SNW1: variants seen among roughly 807,000 people sequenced by gnomAD.
SNW1 encodes SNW domain-containing protein 1.
SNW1 carries 9 observed loss-of-function variants against 75.6 expected under a neutral mutation model. The observed-to-expected ratio is 0.12, with a 90% confidence interval of 0.07 to 0.21. The LOEUF (loss-of-function observed/expected upper bound fraction) is 0.21, where lower values mean the gene tolerates loss of function less well. SNW1 is among the 10% of genes least tolerant of loss of function. SNW1 has a pLI of 1.00. For missense variants in SNW1, 409 were observed against 670.9 expected, an observed-to-expected ratio of 0.61 and a Z score of 4.31; for synonymous variants, 200 against 219.1, an observed-to-expected ratio of 0.91 and a Z score of 0.77.
intron 12 of SNW1, 99 bp downstream of exon 12, chr14:77,720,612 G>C: frequency 1.2e-6 from 1 of 846,460 alleles, no homozygotes; most frequent in Non-Finnish European, 2.1e-6. Flanking sequence ...TTGTCATCAT[G>C]CTGGCATTTA....
At chr14:77,750,902 G>A (rs1286874060) in intron 3 of SNW1, among the ~76,000 whole-genome samples, 1 of 152,054 alleles carries the variant, frequency 6.6e-6, no homozygotes, top group African/African-American at 2.4e-5. Flanking sequence ...GTACATGTAA[G>A]TACTCTAAGT....
chr14:77,717,935 C>T lies in SNW1; in HGVS notation c.*153G>A. 1.5e-6 allele frequency: 1 copy of T among 668,736 alleles called. No individual in the cohort carries two copies. Among genetic ancestry groups the T allele is most frequent in the Non-Finnish European group, 2.5e-6 (1 of 404,284 alleles). 41.4% of individuals were successfully genotyped at this position (668,736 alleles called of 1,614,324 possible). On this transcript the variant is annotated 3_prime_UTR_variant, in exon 14 of 14. Coordinates refer to ENST00000261531, the MANE Select transcript of SNW1 (RefSeq NM_012245.3). The stretch of plus-strand genomic sequence containing the variant: ...ACTAAATAATTCAAAGTAGAATTTT[C>T]TATCCCCCCCATTTCTCCAGTAATA...
chr14:77,736,548 C>CAAAAA (rs11441542), intron 6 of SNW1, among the ~76,000 whole-genome samples: 1 of 141,418 alleles, frequency 7.1e-6, no homozygotes, highest in African/African-American at 2.6e-5. Flanking sequence ...GACTGTCTCT[C>CAAAAA]AAAAAACAAA....
chr14:77,719,191 G>A, intron 12 of SNW1, among the ~76,000 whole-genome samples: 1 of 152,126 alleles, frequency 6.6e-6, no homozygotes, highest in Non-Finnish European at 1.5e-5. Flanking sequence ...GTGAGCCACA[G>A]TGCCCAGCCA....
At chr14:77,723,089 C>T (rs986574217) in intron 11 of SNW1, 92 bp downstream of exon 11, 184 of 920,298 alleles carry the variant, frequency 2.0e-4, no homozygotes, top group Admixed American at 1.5e-4. Context: ...CCTCGTGATC[C>T]GCCCGCATTG....
intron 5 of SNW1, among the ~76,000 whole-genome samples, chr14:77,738,455 A>G (rs1384544988): frequency 6.6e-6 from 1 of 151,770 alleles, no homozygotes; most frequent in Non-Finnish European, 1.5e-5. Context: ...CAAAAAATTA[A>G]AATATTAGCC....
intron 9 of SNW1, among the ~76,000 whole-genome samples, chr14:77,731,729 A>C (rs176979): frequency 0.82 from 124,419 of 152,132 alleles, 51,006 homozygotes; most frequent in South Asian, 0.86. Flanking sequence ...TTAATTCCAT[A>C]ATATTTATAT....
At chr14:77,754,882 G>C in intron 2 of SNW1, 85 bp downstream of exon 2, 2 of 1,203,008 alleles carry the variant, frequency 1.7e-6, no homozygotes, top group South Asian at 3.3e-5. Context: ...ATAATCAGAG[G>C]TTCTAACATT....
chr14:77,718,339 A>G (rs1778990683), intron 13 of SNW1, 28 bp downstream of exon 13: 2 of 1,614,240 alleles, frequency 1.2e-6, no homozygotes, highest in South Asian at 1.1e-5. Flanking sequence ...CAGTGTAAAC[A>G]CTGAAATTGA....
At chr14:77,756,330 T>C in intron 1 of SNW1, among the ~76,000 whole-genome samples, 1 of 151,928 alleles carries the variant, frequency 6.6e-6, no homozygotes, top group East Asian at 2.0e-4. Flanking sequence ...TGTTGGCCCA[T>C]GTTGGTCAGG....
At position 77,717,758 on chromosome 14, in the gene SNW1, T is replaced by C; in HGVS notation, c.*330A>G. ...CTCCTCACTGTGGTTGGGGTAACTT[T>C]ACTCATATGCAGCTGTTCTTACACA... On this transcript the variant is annotated 3_prime_UTR_variant, in exon 14 of 14. Coordinates refer to ENST00000261531, the MANE Select transcript of SNW1 (RefSeq NM_012245.3). 6.5e-6 allele frequency: 4 copies of C among 612,464 alleles called. No individual in the cohort carries two copies. The highest frequency in any genetic ancestry group is 2.0e-5 in the South Asian group (1 of 49,150). 37.9% of individuals were successfully genotyped at this position (612,464 alleles called of 1,614,324 possible).
At chr14:77,753,634 TG>T (rs965118140) in intron 2 of SNW1, among the ~76,000 whole-genome samples, 1 of 152,124 alleles carries the variant, frequency 6.6e-6, no homozygotes, top group African/African-American at 2.4e-5. Context: ...ATGATCTAGT[TG>T]GGTGTTCCTC....
intron 2 of SNW1, 56 bp downstream of exon 2, chr14:77,754,911 T>C: frequency 7.1e-7 from 1 of 1,407,008 alleles, no homozygotes. Flanking sequence ...TGTTATAGTG[T>C]GCTATAATAA....
intron 12 of SNW1, among the ~76,000 whole-genome samples, chr14:77,719,355 T>C (rs2080518762): frequency 6.6e-6 from 1 of 150,512 alleles, no homozygotes; most frequent in Non-Finnish European, 1.5e-5. Flanking sequence ...GCTTTGAAAT[T>C]GGCTGGGCAC....
At chr14:77,723,381 A>T in intron 10 of SNW1, 104 bp from the exon 11 acceptor site, 1 of 813,722 alleles carries the variant, frequency 1.2e-6, no homozygotes, top group Non-Finnish European at 2.0e-6. Context: ...ACAGCATCTC[A>T]CTCTGTCACC....
At chr14:77,720,153 T>TA (rs1158849058) in intron 12 of SNW1, among the ~76,000 whole-genome samples, 2 of 152,334 alleles carry the variant, frequency 1.3e-5, no homozygotes, top group South Asian at 2.1e-4. Context: ...GGCACTTTTG[T>TA]AGGACACTGA....
chr14:77,760,393 G>A (rs529517437), intron 1 of SNW1, among the ~76,000 whole-genome samples: 2 of 152,156 alleles, frequency 1.3e-5, no homozygotes, highest in Non-Finnish European at 2.9e-5. Flanking sequence ...ACTTAAAATG[G>A]GGCAGCAAGG....
At chr14:77,734,227 C>T (rs1175241484) in intron 8 of SNW1, among the ~76,000 whole-genome samples, 1 of 152,220 alleles carries the variant, frequency 6.6e-6, no homozygotes, top group Non-Finnish European at 1.5e-5. Flanking sequence ...CTTAAGCCTT[C>T]ACTACTACAG....
At chr14:77,759,407 G>C (rs1459593278) in intron 1 of SNW1, among the ~76,000 whole-genome samples, 1 of 152,158 alleles carries the variant, frequency 6.6e-6, no homozygotes, top group Non-Finnish European at 1.5e-5. Flanking sequence ...AGCTACTCTA[G>C]GGCGCTGAGG....
Sources: gnomAD v4.1 joint callset for allele counts (sites outside exome capture counted in the v4.1 genomes callset) on GRCh38, gnomAD v4.1.1 for gene constraint, MANE v1.5 for transcripts, NCBI Gene and HGNC (gene_info 2026-07-23, HGNC 2026-07-21) for gene names.